The following KCNJ3 variants were observed in gnomAD, a reference collection of about 807,000 sequenced individuals.
The protein encoded by KCNJ3 is G protein-activated inward rectifier potassium channel 1.
A neutral mutation model predicts 39.2 loss-of-function variants in KCNJ3; 4 were observed. That is an observed-to-expected ratio of 0.10 (90% CI 0.05 to 0.23). The LOEUF (loss-of-function observed/expected upper bound fraction) is 0.23, where lower values mean the gene tolerates loss of function less well. Among genes scored for constraint, KCNJ3 ranks in the 10% least tolerant of loss-of-function variants. The pLI, the probability that KCNJ3 is intolerant of heterozygous loss-of-function variation, is 1.00. For missense variants in KCNJ3, 276 were observed against 634.9 expected (o/e 0.43, Z 6.08); for synonymous variants, 230 against 237.4 (o/e 0.97, Z 0.29).
At chr2:154,843,554 C>T (rs1454768773) in intron 2 of KCNJ3, among the ~76,000 whole-genome samples, 1 of 152,118 alleles carries the variant, frequency 6.6e-6, no homozygotes, top group Non-Finnish European at 1.5e-5. Flanking sequence ...TTCCATTCTC[C>T]CCATCACTTT....
intron 2 of KCNJ3, among the ~76,000 whole-genome samples, chr2:154,748,115 A>G (rs1435292731): frequency 1.3e-5 from 2 of 152,090 alleles, no homozygotes; most frequent in Non-Finnish European, 2.9e-5. Flanking sequence ...TGTGACAAGA[A>G]GAAATAAACC....
At chr2:154,840,507 A>G (rs1687556513) in intron 2 of KCNJ3, among the ~76,000 whole-genome samples, 1 of 152,124 alleles carries the variant, frequency 6.6e-6, no homozygotes. Flanking sequence ...ATGGCATTTA[A>G]TCTATAAATT....
In KCNJ3 at chr2:154,825,935, TCACATTCCACCCAGGATA is replaced by T. The variant is rs1161346802; in HGVS notation, c.920-28789_920-28772del. Among the ~76,000 whole-genome samples the T allele has an allele frequency of 3.3e-5, 5 of 151,070 alleles. No individual in the cohort carries two copies. The Admixed American group carries it at 3.3e-4, about 10-fold the overall frequency. ...ATTACAAACAAGCTTAATCATGCAA[TCACATTCCACCCAGGATA>T]CAGGGCTGTGATAGAAGTGTTAATA... is the stretch of plus-strand genomic sequence containing the variant. On this transcript the variant is annotated intron_variant, in intron 2 of 2. Transcript: ENST00000295101.
At chr2:154,840,008 G>T (rs4482433) in intron 2 of KCNJ3, among the ~76,000 whole-genome samples, 30,564 of 151,944 alleles carry the variant, frequency 0.2, 3,379 homozygotes, top group East Asian at 0.4. Flanking sequence ...TTAAGTTCTT[G>T]CCCATTCCTG....
At chr2:154,740,903 G>A (rs1685642203) in intron 2 of KCNJ3, among the ~76,000 whole-genome samples, 1 of 151,884 alleles carries the variant, frequency 6.6e-6, no homozygotes, top group South Asian at 2.1e-4. Context: ...AAGCACTTTA[G>A]TCACCTTCCT....
chr2:154,834,955 T>A (rs1207790082), intron 2 of KCNJ3, among the ~76,000 whole-genome samples: 1 of 151,866 alleles, frequency 6.6e-6, no homozygotes, highest in Non-Finnish European at 1.5e-5. Flanking sequence ...TAATCAATTA[T>A]AATAATTAGA....
At chr2:154,833,186 G>A (rs573727670) in intron 2 of KCNJ3, among the ~76,000 whole-genome samples, 64 of 152,190 alleles carry the variant, frequency 4.2e-4, no homozygotes, top group African/African-American at 1.5e-3. Context: ...GTCCTTTATG[G>A]CATAGTGAAA....
intron 2 of KCNJ3, among the ~76,000 whole-genome samples, chr2:154,833,835 TA>T (rs1687403814): frequency 6.6e-6 from 1 of 152,206 alleles, no homozygotes; most frequent in Non-Finnish European, 1.5e-5. Context: ...AATATGTATT[TA>T]AGGTTCCTTC....
chr2:154,705,453 T>C (rs1005391777), intron 1 of KCNJ3, among the ~76,000 whole-genome samples: 17 of 152,162 alleles, frequency 1.1e-4, no homozygotes, highest in African/African-American at 4.1e-4. Context: ...TCTAGGCACC[T>C]GTGACTTTTG....
At chr2:154,835,341 T>TAC (rs144517767) in intron 2 of KCNJ3, among the ~76,000 whole-genome samples, 26,523 of 144,864 alleles carry the variant, frequency 0.18, 2,844 homozygotes, top group East Asian at 0.48. Flanking sequence ...AATTATTTTC[T>TAC]TTTTTTTGTT....
rs367972408 is a variant in KCNJ3 at position 154,794,698 on chromosome 2, T to C, written c.920-60029T>C. ...TGATGAACAAGTGTGATAGTTACTT[T>C]TGATGAATACTTCCATTTATGTGAA... On this transcript the variant is annotated intron_variant, in intron 2 of 2. Coordinates refer to ENST00000295101, the MANE Select transcript of KCNJ3 (RefSeq NM_002239.4). Among the ~76,000 whole-genome samples the C allele has an allele frequency of 6.6e-5, 10 of 152,054 alleles. 1 individual carries two copies. The South Asian group carries it at 2.1e-3, about 31-fold the overall frequency.
intron 2 of KCNJ3, among the ~76,000 whole-genome samples, chr2:154,748,813 C>A (rs1050067631): frequency 6.6e-6 from 1 of 152,076 alleles, no homozygotes; most frequent in African/African-American, 2.4e-5. Flanking sequence ...CAAATCGTTT[C>A]ACTTGTCTAA....
chr2:154,854,291 C>T (rs1223863822), intron 2 of KCNJ3, among the ~76,000 whole-genome samples: 1 of 152,078 alleles, frequency 6.6e-6, no homozygotes, highest in Admixed American at 6.5e-5. Flanking sequence ...TAAAGTGATA[C>T]TCAGTTAAAT....
intron 2 of KCNJ3, among the ~76,000 whole-genome samples, chr2:154,814,052 A>C (rs1447433254): frequency 6.6e-6 from 1 of 152,222 alleles, no homozygotes; most frequent in East Asian, 1.9e-4. Context: ...ACAATGTCTT[A>C]AATTCTAGTC....
chr2:154,766,633 T>C (rs1053231374), intron 2 of KCNJ3, among the ~76,000 whole-genome samples: 7 of 152,170 alleles, frequency 4.6e-5, no homozygotes, highest in Non-Finnish European at 7.3e-5. Flanking sequence ...CTTGGCTCAC[T>C]GAAACCTCCA....
chr2:154,713,153 C>T (rs1306430673), intron 2 of KCNJ3, among the ~76,000 whole-genome samples: 1 of 151,832 alleles, frequency 6.6e-6, no homozygotes, highest in Non-Finnish European at 1.5e-5. Context: ...AAAGCAGAGC[C>T]TGTATTTATA....
At chr2:154,776,434 T>A (rs900369434) in intron 2 of KCNJ3, among the ~76,000 whole-genome samples, 1 of 152,110 alleles carries the variant, frequency 6.6e-6, no homozygotes, top group Admixed American at 6.6e-5. Context: ...TTATTGGCCA[T>A]CACAAAATCA....
At chr2:154,766,532 A>G (rs1012082510) in intron 2 of KCNJ3, among the ~76,000 whole-genome samples, 1 of 151,640 alleles carries the variant, frequency 6.6e-6, no homozygotes, top group East Asian at 1.9e-4. Context: ...AATTATTTAT[A>G]TATTATTTAT....
At chr2:154,748,481 G>T (rs1685783923) in intron 2 of KCNJ3, among the ~76,000 whole-genome samples, 1 of 152,044 alleles carries the variant, frequency 6.6e-6, no homozygotes, top group Admixed American at 6.6e-5. Context: ...CTGCTATGGA[G>T]TGTGATGTCA....
Sources: gnomAD v4.1 joint callset for allele counts (sites outside exome capture counted in the v4.1 genomes callset) on GRCh38, gnomAD v4.1.1 for gene constraint, MANE v1.5 for transcripts, NCBI Gene and HGNC (gene_info 2026-07-23, HGNC 2026-07-21) for gene names.